The following LILRA1 variants were observed in gnomAD, a reference collection of about 807,000 sequenced individuals.
The protein encoded by LILRA1 is leukocyte immunoglobulin like receptor A1.
Under a neutral mutation model 51.6 loss-of-function variants are expected in LILRA1, and 51 were observed. The ratio of observed to expected loss-of-function variants is 0.99; its 90% CI spans 0.79 to 1.25. The LOEUF (loss-of-function observed/expected upper bound fraction) is 1.25, where lower values mean the gene tolerates loss of function less well. Among genes scored for constraint, LILRA1 ranks in the 50% most tolerant of loss-of-function variants. The probability of loss-of-function intolerance (pLI) is 0.00; values close to 1 mark genes in which losing one functional copy is unlikely to be tolerated. For missense variants in LILRA1, 660 were observed against 611.7 expected, an observed-to-expected ratio of 1.08 and a Z score of -0.83; for synonymous variants, 305 against 248.4, an observed-to-expected ratio of 1.23 and a Z score of -2.14.
rs1338785334 is a variant in LILRA1, at chr19:54,594,433, T to C, written c.35-8T>C. On this transcript the variant is annotated splice_region_variant and splice_polypyrimidine_tract_variant and intron_variant, in intron 2 of 9. Coordinates refer to ENST00000251372, the MANE Select transcript of LILRA1 (RefSeq NM_006863.4). The stretch of plus-strand genomic sequence containing the variant: ...GGGGCAAATTCCTCACAGGGAACTC[T>C]CTTCCAGGGCTGAGTCTGGGCCCCC... 1 of 1,614,198 alleles carries C rather than the reference T, an allele frequency of 6.2e-7. No individual in the cohort carries two copies.
Position 54,596,391 on chromosome 19 carries a change from G to C in LILRA1, c.1161G>C (p.Val387=). The change falls in exon 7 of 10, where the codon GTG becomes GTC. Residue 387 remains valine (V), a synonymous_variant. Coordinates refer to ENST00000251372, the MANE Select transcript of LILRA1 (RefSeq NM_006863.4). The stretch of plus-strand genomic sequence containing the variant: ...AGGCTGAATTCCCTATGAGTCCTGT[G>C]ACCTCAGCCCACTCGGGGACCTACA... ...KYQAEFPMSP[V]TSAHSGTYRC... is the part of the protein sequence containing the mutation. The C allele has an allele frequency of 6.2e-7, 1 of 1,614,048 alleles. No homozygotes were observed.
At chr19:54,599,423 G>A (rs2063126495) in intron 8 of LILRA1, 137 bp downstream of exon 8, 2 of 1,335,444 alleles carry the variant, frequency 1.5e-6, no homozygotes, top group Non-Finnish European at 2.0e-6. Context: ...CACCTTTAAT[G>A]ATTTATAAGT....
intron 8 of LILRA1, 31 bp from the exon 9 acceptor site, chr19:54,600,481 C>T: frequency 6.2e-7 from 1 of 1,613,260 alleles, no homozygotes; most frequent in Non-Finnish European, 8.5e-7. Context: ...GAGGCTGGCT[C>T]AGGGCTCTTC....
rs1196132514 is a variant in LILRA1, at chr19:54,594,849, C to T, written c.255C>T (p.Ile85=). 6.2e-7 allele frequency: 1 copy of T among 1,614,156 alleles called. No individual in the cohort carries two copies. The highest frequency in any genetic ancestry group is 2.2e-5 in the East Asian group (1 of 44,868). ...TTGTGAAGAAGGGCCAGTTCCCCAT[C>T]CCATCCATCACCTGGGAACACACAG... The part of the protein sequence containing the change: ...QEIVKKGQFP[I]PSITWEHTGR... Residue 85 remains isoleucine, a synonymous_variant, in exon 4 of 10, where the codon ATC becomes ATT. Coordinates refer to ENST00000251372, the MANE Select transcript of LILRA1 (RefSeq NM_006863.4).
At position 54,593,685 on chromosome 19, in the gene LILRA1, C is replaced by T. The variant is rs2062954783; in HGVS notation, c.-145C>T. 2.1e-6 allele frequency: 1 copy of T among 486,378 alleles called. No homozygotes were observed. Among genetic ancestry groups the T allele is most frequent in the Non-Finnish European group, 4.0e-6 (1 of 252,740 alleles). The allele number at this position is 486,378 out of a possible 1,614,324, so 30.1% of individuals were successfully genotyped here. A position where few individuals can be genotyped will look rare whatever the true frequency, so the allele number is the denominator to read the frequency against. On this transcript the variant is annotated 5_prime_UTR_variant, in exon 1 of 10. Transcript: ENST00000251372. The stretch of plus-strand genomic sequence containing the variant: ...CGCAGCTCAACCTGAGCTACACAGC[C>T]AGATGCGAGATGCTTCTCTGCTGAT...
intron 7 of LILRA1, among the ~76,000 whole-genome samples, chr19:54,598,120 G>T (rs116025400): frequency 0.02 from 3,021 of 151,792 alleles, 96 homozygotes; most frequent in African/African-American, 0.068. Flanking sequence ...TTCACAGCAC[G>T]TCTCATATGT....
rs762506036 is a variant in LILRA1 at position 54,596,428 on chromosome 19, T to G, written c.1198T>G (p.Ser400Ala). Residue 400 changes from serine (S) to alanine (A), a missense_variant, in exon 7 of 10, where the codon TCA becomes GCA. Coordinates refer to ENST00000251372, the MANE Select transcript of LILRA1 (RefSeq NM_006863.4). ...CTCGGGGACCTACAGGTGCTACGGC[T>G]CACTCAGCTCCAACCCCTACCTGCT... is the stretch of plus-strand genomic sequence containing the variant. ...AHSGTYRCYG[S>A]LSSNPYLLSH... 1.9e-6 allele frequency: 3 copies of G among 1,614,120 alleles called. No individual in the cohort carries two copies. The South Asian group carries it at 3.3e-5, about 18-fold the overall frequency.
At position 54,595,399 on chromosome 19, in the gene LILRA1, C is replaced by G. The variant is rs2063018160; in HGVS notation, c.658C>G (p.Leu220Val). 1 of 1,606,268 alleles carries G rather than the reference C, an allele frequency of 6.2e-7. No individual in the cohort carries two copies. The highest frequency in any genetic ancestry group is 2.2e-5 in the East Asian group (1 of 44,836). The change falls in exon 5 of 10, where the codon CTA becomes GTA. Residue 220 changes from leucine (L) to valine (V), a missense_variant. Coordinates refer to ENST00000251372, the MANE Select transcript of LILRA1 (RefSeq NM_006863.4). ...CAGTGATCTCCTGGAGCTCCTGGTC[C>G]TAGGTGAGAAATTCACAGCATTGCC... Reference protein sequence around the residue: ...LPSDLLELLVLGVSKKPSLSV... With the variant: ...LPSDLLELLVVGVSKKPSLSV...
At position 54,595,293 on chromosome 19, in the gene LILRA1, G is replaced by T; in HGVS notation, c.552G>T (p.Val184=). ...THGWSRAIFS[V]GPVSPSRRWS... is the part of the protein sequence containing the mutation. ...GGTGGTCCCGGGCCATCTTCTCTGT[G>T]GGCCCCGTGAGCCCGAGTCGCAGGT... Residue 184 remains valine, a synonymous_variant, in exon 5 of 10, where the codon GTG becomes GTT. Transcript: ENST00000251372. 1.9e-6 allele frequency: 3 copies of T among 1,614,096 alleles called. No individual in the cohort carries two copies. Among genetic ancestry groups the T allele is most frequent in the Non-Finnish European group, 2.5e-6 (3 of 1,179,966 alleles).
In LILRA1 at chr19:54,596,246, G is replaced by C; in HGVS notation, c.1016G>C (p.Gly339Ala). The change falls in exon 7 of 10, where the codon GGA (glycine) becomes GCA (alanine). Residue 339 changes from glycine (G) to alanine (A), a missense_variant. Physicochemically the swap from Gly to Ala is moderately conservative, Grantham distance 60. Transcript: ENST00000251372. ...CATCCGGGCCCCACGGTGGCCTCAG[G>C]AGAGAACGTGACCCTGCTGTGTCAG... ...SVHPGPTVAS[G>A]ENVTLLCQSW... 6.2e-7 allele frequency: 1 copy of C among 1,614,076 alleles called. No individual in the cohort carries two copies. Among genetic ancestry groups the C allele is most frequent in the Non-Finnish European group, 8.5e-7 (1 of 1,180,000 alleles).
chr19:54,599,927 T>C (rs1485946114), intron 8 of LILRA1, among the ~76,000 whole-genome samples: 1 of 152,166 alleles, frequency 6.6e-6, no homozygotes, highest in African/African-American at 2.4e-5. Context: ...ATTTAGCATA[T>C]ATATATATAT....
chr19:54,598,451 G>A (rs970518296), intron 7 of LILRA1, among the ~76,000 whole-genome samples: 9 of 152,062 alleles, frequency 5.9e-5, no homozygotes, highest in South Asian at 2.1e-4. Context: ...CTGACTGGGC[G>A]GCTCCCTGTG....
At chr19:54,599,385 A>T in intron 8 of LILRA1, 99 bp downstream of exon 8, 1 of 1,424,304 alleles carries the variant, frequency 7.0e-7, no homozygotes, top group Non-Finnish European at 9.4e-7. Context: ...AAAAAATTAC[A>T]TTCATTCTAA....
Position 54,600,801 on chromosome 19 carries a change from G to C in LILRA1, c.1454G>C (p.Ser485Thr). ...LGILLFEAQH[S>T]QRSL is the part of the protein sequence containing the mutation. ...ATTCTGCTATTTGAGGCTCAGCACA[G>C]CCAGAGAAGCCTCTGAGATGCAGCC... is the stretch of plus-strand genomic sequence containing the variant. Residue 485 changes from serine (S) to threonine (T), a missense_variant, in exon 10 of 10, where the codon AGC (serine) becomes ACC (threonine). By Grantham distance (58) the Ser-to-Thr change is moderately conservative (BLOSUM62 1). Transcript: ENST00000251372. The C allele has an allele frequency of 6.2e-7, 1 of 1,614,148 alleles. No homozygotes were observed. Among genetic ancestry groups the C allele is most frequent in the Non-Finnish European group, 8.5e-7 (1 of 1,180,022 alleles).
In LILRA1 at chr19:54,595,643, T is replaced by C. The variant is rs371767204; in HGVS notation, c.666T>C (p.Val222=). 1.4e-5 allele frequency: 22 copies of C among 1,605,390 alleles called. No homozygotes were observed. Among genetic ancestry groups the C allele is most frequent in the Non-Finnish European group, 1.7e-5 (20 of 1,174,058 alleles). ...SDLLELLVLG[V]SKKPSLSVQP... ...ACCATGAGCACCTTTTCCCAGGTGTTTCTAAGAAGCCATCACTCTCAGTGC... is the reference window on the plus strand; with the variant it reads ...ACCATGAGCACCTTTTCCCAGGTGTCTCTAAGAAGCCATCACTCTCAGTGC... The change falls in exon 6 of 10, where the codon GTT becomes GTC. Residue 222 remains valine (V), a synonymous_variant. Coordinates refer to ENST00000251372, the MANE Select transcript of LILRA1 (RefSeq NM_006863.4).
chr19:54,594,628 G>A (rs1454449112), intron 3 of LILRA1, 37 bp from the exon 4 acceptor site: 9 of 1,608,998 alleles, frequency 5.6e-6, no homozygotes, highest in African/African-American at 1.3e-5. Context: ...TGTTGGGTGG[G>A]AAATGACTTA....
At chr19:54,599,713 C>T (rs2073377181) in intron 8 of LILRA1, 1 of 558,400 alleles carries the variant, frequency 1.8e-6, no homozygotes, top group South Asian at 4.5e-5. Context: ...TGAAGTTTTA[C>T]ATATATACAT....
rs762247409 is a variant in LILRA1, at chr19:54,595,443, C to T, written c.661+41C>T. 3 of 1,573,452 alleles carry T rather than the reference C, an allele frequency of 1.9e-6. No individual in the cohort carries two copies. In the South Asian group the frequency reaches 3.5e-5, roughly 19 times the overall value. On this transcript the variant is annotated intron_variant, in intron 5 of 9. Coordinates refer to ENST00000251372, the MANE Select transcript of LILRA1 (RefSeq NM_006863.4). ...CATTGCCTGGAGTTCCCTGAGTCTC[C>T]CTGAGTCTCCAGGCAGGTGGGGAGC...
In LILRA1 at chr19:54,596,198, G is replaced by A. The variant is rs114946733; in HGVS notation, c.968G>A (p.Arg323His). The A allele has an allele frequency of 3.8e-5, 62 of 1,613,736 alleles. 1 individual carries two copies. The highest frequency in any genetic ancestry group is 2.0e-4 in the South Asian group (18 of 91,058). Residue 323 changes from arginine (R) to histidine (H), a missense_variant, in exon 7 of 10, where the codon CGT becomes CAT. Arg to His is a conservative substitution (Grantham distance 29). Transcript: ENST00000251372. ...TCCTTCTTCTCTCCAGGACAGTTCC[G>A]TGGCAGACCCTTCATCTCGGTGCAT... ...PLDILIAGQF[R>H]GRPFISVHPG... is the part of the protein sequence containing the mutation.
Sources: allele counts gnomAD v4.1 joint callset (sites outside exome capture counted in the v4.1 genomes callset), GRCh38; gene constraint gnomAD v4.1.1; transcripts MANE v1.5; gene names NCBI Gene and HGNC (gene_info 2026-07-23, HGNC 2026-07-21).